Variants in LRIT3 observed in about 807,000 individuals in gnomAD.
LRIT3 encodes leucine-rich repeat, immunoglobulin-like domain and transmembrane domain-containing protein 3.
LRIT3 carries 14 observed loss-of-function variants against 22.6 expected under a neutral mutation model. The observed-to-expected ratio is 0.62, with a 90% CI of 0.41 to 0.97. The LOEUF (loss-of-function observed/expected upper bound fraction) is 0.97. Among genes scored for constraint, LRIT3 ranks in the 50% least tolerant of loss-of-function variants. The pLI, the probability that LRIT3 is intolerant of heterozygous loss-of-function variation, is 0.00. For missense variants in LRIT3, 783 were observed against 803.0 expected, an observed-to-expected ratio of 0.98 and a Z score of 0.30; for synonymous variants, 306 against 304.5, an observed-to-expected ratio of 1.01 and a Z score of -0.05.
Position 109,871,264 on chromosome 4 carries a change from G to A in LRIT3, c.*475G>A, listed in dbSNP as rs1236333986. ...TCATAAAGGATTTTGTGTTCACTAAGGTTAAATCTAACTCACGGGAGAGAG... is the reference window on the plus strand; with the variant it reads ...TCATAAAGGATTTTGTGTTCACTAAAGTTAAATCTAACTCACGGGAGAGAG... On this transcript the variant is annotated 3_prime_UTR_variant, in exon 4 of 4. Coordinates refer to ENST00000594814, the MANE Select transcript of LRIT3 (RefSeq NM_198506.5). The A allele has an allele frequency of 2.6e-5, 4 of 152,612 alleles. No homozygotes were observed. Among genetic ancestry groups the A allele is most frequent in the Non-Finnish European group, 5.8e-5 (4 of 68,394 alleles). The allele number at this position is 152,612 out of a possible 1,614,324, so 9.5% of individuals were successfully genotyped here.
chr4:109,871,913 A>G lies in LRIT3; in HGVS notation c.*1124A>G, dbSNP rs908113215. 5.3e-5 allele frequency: 8 copies of G among 152,232 alleles called. No individual in the cohort carries two copies. The highest frequency in any genetic ancestry group is 1.9e-4 in the African/African-American group (8 of 41,460). 9.4% of individuals were successfully genotyped at this position (152,232 alleles called of 1,614,324 possible). On this transcript the variant is annotated 3_prime_UTR_variant, in exon 4 of 4. Transcript: ENST00000594814. The stretch of plus-strand genomic sequence containing the variant: ...AATATTTTAATAACTGTAGTATACT[A>G]CAAGAAACATCTCATGGCTTTAAGA...
In LRIT3 at chr4:109,850,410, C is replaced by CT. The variant is rs1328726520; in HGVS notation, c.117-1094_117-1093insT. On this transcript the variant is annotated intron_variant, in intron 1 of 3. Transcript: ENST00000594814. ...TCCTTCCTTCCTTCCTTCCTTCCTTCCTTCCTTCCTTCCTTTCTTTCTTTC... is the reference window on the plus strand; with the variant it reads ...TCCTTCCTTCCTTCCTTCCTTCCTTCTCTTCCTTCCTTCCTTTCTTTCTTTC... 4.0e-3 allele frequency among the ~76,000 whole-genome samples: 23 copies of CT among 5,692 alleles called. 2 individuals carry two copies. Among genetic ancestry groups the CT allele is most frequent in the African/African-American group, 5.6e-3 (22 of 3,930 alleles). 3.7% of individuals were successfully genotyped at this position (5,692 alleles called of 152,430 possible). A position where few individuals can be genotyped will look rare whatever the true frequency, so the allele number is the denominator to read the frequency against.
At position 109,867,674 on chromosome 4, in the gene LRIT3, A is replaced by G; in HGVS notation, c.623A>G (p.His208Arg). The change falls in exon 3 of 4, where the codon CAT becomes CGT. Residue 208 changes from histidine to arginine, a missense_variant. Physicochemically the swap from His to Arg is conservative, Grantham distance 29. Around this residue, in one of 2 missense-constraint regions of LRIT3, gnomAD observed 756 missense variants for 753.8 expected, o/e 1.00. Coordinates refer to ENST00000594814, the MANE Select transcript of LRIT3 (RefSeq NM_198506.5). ...LQDNPWFCDC[H>R]ISKMIELSKV... ...GACAATCCTTGGTTCTGTGACTGTC[A>G]TATTTCCAAAATGATTGAGTTGTCA... 4 of 1,614,094 alleles carry G rather than the reference A, an allele frequency of 2.5e-6. No homozygotes were observed. The highest frequency in any genetic ancestry group is 1.6e-4 in the Middle Eastern group (1 of 6,062).
intron 2 of LRIT3, among the ~76,000 whole-genome samples, chr4:109,856,460 G>A (rs373270508): frequency 6.6e-6 from 1 of 152,102 alleles, no homozygotes; most frequent in Non-Finnish European, 1.5e-5. Flanking sequence ...CATTGAATGG[G>A]GTTGAGATTA....
intron 1 of LRIT3, among the ~76,000 whole-genome samples, chr4:109,850,418 C>CCTTCCTTCTTTCTTTCTTT (rs1734202907): frequency 1.1e-4 from 3 of 28,228 alleles, no homozygotes; most frequent in Non-Finnish European, 1.9e-4. Context: ...TTCCTTCCTT[C>CCTTCCTTCTTTCTTTCTTT]CTTCCTTTCT....
At chr4:109,862,430 C>T (rs1734567751) in intron 2 of LRIT3, among the ~76,000 whole-genome samples, 1 of 152,120 alleles carries the variant, frequency 6.6e-6, no homozygotes, top group African/African-American at 2.4e-5. Context: ...GTTCTTGGAT[C>T]ACTATTTTTA....
chr4:109,853,125 A>G (rs1251942032), intron 2 of LRIT3, among the ~76,000 whole-genome samples: 1 of 152,152 alleles, frequency 6.6e-6, no homozygotes, highest in African/African-American at 2.4e-5. Flanking sequence ...GTCAAATGGT[A>G]TTTCTGGTTC....
At position 109,868,336 on chromosome 4, in the gene LRIT3, C is replaced by T. The variant is rs187899999; in HGVS notation, c.895+390C>T. 5.7e-3 allele frequency among the ~76,000 whole-genome samples: 863 copies of T among 152,018 alleles called. 3 individuals carry two copies. Among genetic ancestry groups the T allele is most frequent in the African/African-American group, 0.019 (776 of 41,418 alleles). ...CTGTAATCCCAGCACTTTGGGAGGC[C>T]GAGGTGGGTGGATCACCTGAGGTCA... On this transcript the variant is annotated intron_variant, in intron 3 of 3. Transcript: ENST00000594814.
intron 1 of LRIT3, among the ~76,000 whole-genome samples, chr4:109,850,448 T>TTTCTTTCTTTCTTTC: frequency 8.3e-6 from 1 of 120,762 alleles, no homozygotes; most frequent in East Asian, 2.4e-4. Context: ...TCTTTCTTTC[T>TTTCTTTCTTTCTTTC]TTCTTTCTTT....
intron 3 of LRIT3, among the ~76,000 whole-genome samples, 161 bp downstream of exon 3, chr4:109,868,107 T>C (rs1277408518): frequency 6.6e-6 from 1 of 152,198 alleles, no homozygotes; most frequent in Non-Finnish European, 1.5e-5. Context: ...ATTAGTATTC[T>C]CCTCAGTTTA....
chr4:109,865,100 C>A, intron 2 of LRIT3: 1 of 1,412,588 alleles, frequency 7.1e-7, no homozygotes, highest in South Asian at 1.7e-5. Flanking sequence ...AGTCTATGAT[C>A]ATTATTTTTA....
At chr4:109,849,892 C>T (rs1026608947) in intron 1 of LRIT3, among the ~76,000 whole-genome samples, 3 of 152,196 alleles carry the variant, frequency 2.0e-5, no homozygotes, top group East Asian at 3.9e-4. Flanking sequence ...GGATTACAGG[C>T]GTGAGCCACC....
At chr4:109,859,740 T>C (rs1734489498) in intron 2 of LRIT3, among the ~76,000 whole-genome samples, 1 of 152,208 alleles carries the variant, frequency 6.6e-6, no homozygotes, top group Non-Finnish European at 1.5e-5. Context: ...ATAGGAATCT[T>C]AGTGATGTGA....
intron 2 of LRIT3, among the ~76,000 whole-genome samples, chr4:109,859,619 T>G (rs1170565666): frequency 4.6e-5 from 7 of 152,126 alleles, no homozygotes; most frequent in Admixed American, 3.9e-4. Flanking sequence ...GATGAGGGTG[T>G]TTATAGCCCT....
intron 2 of LRIT3, among the ~76,000 whole-genome samples, chr4:109,857,284 A>G (rs1004673743): frequency 1.4e-5 from 2 of 141,602 alleles, no homozygotes; most frequent in South Asian, 2.5e-4. Context: ...GGTGGGGGGA[A>G]TAGGTTGTAT....
chr4:109,854,339 C>T (rs1223823587), intron 2 of LRIT3, among the ~76,000 whole-genome samples: 4 of 152,036 alleles, frequency 2.6e-5, no homozygotes, highest in Admixed American at 6.5e-5. Context: ...ATTTTATTCT[C>T]TTTTTACCAA....
At chr4:109,856,684 C>T (rs565246714) in intron 2 of LRIT3, among the ~76,000 whole-genome samples, 11 of 152,192 alleles carry the variant, frequency 7.2e-5, no homozygotes, top group Non-Finnish European at 1.6e-4. Flanking sequence ...ATTCCAATCA[C>T]ATTGCATTTG....
chr4:109,850,422 C>CCTTCTTTTT (rs66553123), intron 1 of LRIT3, among the ~76,000 whole-genome samples: 1 of 55,088 alleles, frequency 1.8e-5, no homozygotes, highest in Non-Finnish European at 3.5e-5. Context: ...TTCCTTCCTT[C>CCTTCTTTTT]CTTTCTTTCT....
At chr4:109,859,190 T>A (rs768998865) in intron 2 of LRIT3, among the ~76,000 whole-genome samples, 4 of 151,214 alleles carry the variant, frequency 2.6e-5, no homozygotes, top group Non-Finnish European at 5.9e-5. Context: ...TCCAGGGGGG[T>A]CACCACCTTC....
Sources: allele counts gnomAD v4.1 joint callset (sites outside exome capture counted in the v4.1 genomes callset), GRCh38; gene constraint gnomAD v4.1.1; regional missense constraint gnomAD v4.1.1; transcripts MANE v1.5; gene names NCBI Gene and HGNC (gene_info 2026-07-23, HGNC 2026-07-21).